The following JAZF1 variants were observed in gnomAD, a reference collection of about 807,000 sequenced individuals.
The protein encoded by JAZF1 is juxtaposed with another zinc finger protein 1.
A neutral mutation model predicts 26.4 loss-of-function variants in JAZF1; 8 were observed. The ratio of observed to expected loss-of-function variants is 0.30; its 90% CI spans 0.18 to 0.55. The LOEUF (loss-of-function observed/expected upper bound fraction) is 0.55, where lower values mean the gene tolerates loss of function less well. Ranked by LOEUF, JAZF1 falls within the 20% of genes least tolerant of loss-of-function variation. JAZF1 has a pLI of 0.94. For synonymous variants in JAZF1, 126 were observed against 122.3 expected (o/e 1.03, Z -0.20); for missense variants, 199 against 322.0 (o/e 0.62, Z 2.92).
intron 2 of JAZF1, among the ~76,000 whole-genome samples, chr7:27,908,378 G>A (rs1043723472): frequency 2.0e-5 from 3 of 152,200 alleles, no homozygotes; most frequent in African/African-American, 7.2e-5. Flanking sequence ...GCTGTTCTGT[G>A]ACAAAGCATG....
Position 28,180,786 on chromosome 7 carries a change from C to T in JAZF1, c.-209G>A, listed in dbSNP as rs1783638807. 8.0e-5 allele frequency: 8 copies of T among 100,608 alleles called. No homozygotes were observed. In the South Asian group the frequency reaches 2.1e-3, roughly 27 times the overall value. 6.2% of individuals were successfully genotyped at this position (100,608 alleles called of 1,614,324 possible). The stretch of plus-strand genomic sequence containing the variant: ...CCACCGGGAGGCAGAGGGGAGGCGG[C>T]GGCTGCGGCGGCGGCGTCGGGAGCG... On this transcript the variant is annotated 5_prime_UTR_variant, in exon 1 of 5. Transcript: ENST00000283928.
intron 1 of JAZF1, among the ~76,000 whole-genome samples, chr7:28,148,241 T>C (rs1783056883): frequency 6.6e-6 from 1 of 152,266 alleles, no homozygotes; most frequent in South Asian, 2.1e-4. Flanking sequence ...CAGTTAATTT[T>C]TGTATTTTTA....
intron 1 of JAZF1, among the ~76,000 whole-genome samples, chr7:28,118,666 ATTC>A (rs1273006532): frequency 3.9e-5 from 6 of 152,108 alleles, no homozygotes; most frequent in Non-Finnish European, 8.8e-5. Flanking sequence ...CCATATTAAC[ATTC>A]TTCAAGTTTG....
chr7:27,856,532 ATTTTACAGAGAGCTGATTGGTCTG>A (rs1403057908), intron 3 of JAZF1, among the ~76,000 whole-genome samples: 4 of 152,258 alleles, frequency 2.6e-5, no homozygotes, highest in Middle Eastern at 6.8e-3. Flanking sequence ...TGATTGGTCC[ATTTTACAGAGAGCTGATTGGTCTG>A]TTTTACAGAG....
At chr7:27,852,487 A>G (rs1783169669) in intron 3 of JAZF1, among the ~76,000 whole-genome samples, 1 of 152,054 alleles carries the variant, frequency 6.6e-6, no homozygotes, top group Non-Finnish European at 1.5e-5. Flanking sequence ...TTGAGGTTGC[A>G]ACTCCCTCAG....
intron 1 of JAZF1, among the ~76,000 whole-genome samples, chr7:28,000,126 A>G (rs1354154965): frequency 6.6e-6 from 1 of 152,158 alleles, no homozygotes; most frequent in African/African-American, 2.4e-5. Context: ...TGAGTTGAAG[A>G]GTATTAGTTG....
At chr7:28,016,712 A>C (rs949573480) in intron 1 of JAZF1, among the ~76,000 whole-genome samples, 5 of 152,090 alleles carry the variant, frequency 3.3e-5, no homozygotes, top group Non-Finnish European at 5.9e-5. Context: ...TCCACTCCTC[A>C]GTGGAGTCAA....
intron 1 of JAZF1, among the ~76,000 whole-genome samples, chr7:27,997,681 C>A (rs148578983): frequency 2.0e-5 from 3 of 152,234 alleles, no homozygotes; most frequent in Non-Finnish European, 4.4e-5. Context: ...TATCCTCCTG[C>A]CTCATCCTCC....
chr7:27,968,985 C>A (rs1185833930), intron 2 of JAZF1, among the ~76,000 whole-genome samples: 1 of 152,098 alleles, frequency 6.6e-6, no homozygotes. Flanking sequence ...GTATACAGTA[C>A]CAAGATGGCC....
intron 1 of JAZF1, among the ~76,000 whole-genome samples, chr7:28,037,788 A>C (rs1269606853): frequency 2.0e-5 from 3 of 152,150 alleles, no homozygotes; most frequent in Non-Finnish European, 2.9e-5. Context: ...CTTATTAATG[A>C]ATTCCAGACA....
chr7:27,856,784 G>A (rs950220986), intron 3 of JAZF1, among the ~76,000 whole-genome samples: 76 of 152,264 alleles, frequency 5.0e-4, no homozygotes, highest in African/African-American at 1.8e-3. Context: ...CCCTTAGCTA[G>A]ACATGAAGGT....
In JAZF1 at chr7:27,832,688, TTTAA is replaced by T. The variant is rs774304272; in HGVS notation, c.*108_*111del. On this transcript the variant is annotated 3_prime_UTR_variant, in exon 5 of 5. Coordinates refer to ENST00000283928, the MANE Select transcript of JAZF1 (RefSeq NM_175061.4). The stretch of plus-strand genomic sequence containing the variant: ...TTACAGAAAAAATTTAAAGCATGCA[TTTAA>T]TTCTTTTTCTTTAAAGGGTTGCTGA... 7.0e-5 allele frequency: 60 copies of T among 851,948 alleles called. No individual in the cohort carries two copies. Among genetic ancestry groups the T allele is most frequent in the Non-Finnish European group, 9.3e-5 (53 of 567,654 alleles). 52.8% of individuals were successfully genotyped at this position (851,948 alleles called of 1,614,324 possible).
intron 3 of JAZF1, among the ~76,000 whole-genome samples, chr7:27,849,752 GACACAC>G (rs72394231): frequency 4.6e-5 from 5 of 108,444 alleles, no homozygotes; most frequent in African/African-American, 2.1e-4. Flanking sequence ...CTTACACACA[GACACAC>G]ACACACACAC....
At chr7:28,147,218 A>T (rs1783041190) in intron 1 of JAZF1, among the ~76,000 whole-genome samples, 1 of 151,508 alleles carries the variant, frequency 6.6e-6, no homozygotes, top group Non-Finnish European at 1.5e-5. Context: ...TAATCTGAAA[A>T]CCCAAAATCC....
At chr7:28,109,652 C>A (rs568308239) in intron 1 of JAZF1, among the ~76,000 whole-genome samples, 1 of 152,186 alleles carries the variant, frequency 6.6e-6, no homozygotes, top group African/African-American at 2.4e-5. Flanking sequence ...AAGGTTTGTA[C>A]AAATTAACTA....
In JAZF1 at chr7:28,074,162, G is replaced by A. The variant is rs540146037; in HGVS notation, c.116-82181C>T. On this transcript the variant is annotated intron_variant, in intron 1 of 4. Coordinates refer to ENST00000283928, the MANE Select transcript of JAZF1 (RefSeq NM_175061.4). The stretch of plus-strand genomic sequence containing the variant: ...CTGGGCAAGGATGTTTACATTATTT[G>A]TCCTAAGTAATTAATTTGCCCCAAA... 1.1e-3 allele frequency among the ~76,000 whole-genome samples: 174 copies of A among 152,228 alleles called. 1 individual carries two copies. Among genetic ancestry groups the A allele is most frequent in the African/African-American group, 4.0e-3 (167 of 41,542 alleles).
intron 3 of JAZF1, among the ~76,000 whole-genome samples, chr7:27,857,802 A>T (rs1218995956): frequency 6.6e-6 from 1 of 152,230 alleles, no homozygotes; most frequent in African/African-American, 2.4e-5. Flanking sequence ...AATGGGCAAA[A>T]GCTGGAAGAA....
intron 1 of JAZF1, among the ~76,000 whole-genome samples, chr7:28,165,771 T>C (rs1783358796): frequency 1.3e-5 from 2 of 152,222 alleles, no homozygotes; most frequent in African/African-American, 4.8e-5. Context: ...CAAACAGGCC[T>C]TTCAACCTCT....
chr7:27,880,226 C>A (rs775258840), intron 3 of JAZF1, among the ~76,000 whole-genome samples: 10 of 151,716 alleles, frequency 6.6e-5, no homozygotes, highest in Non-Finnish European at 1.2e-4. Context: ...CCATTTTTGA[C>A]GATGCCAAGA....
Sources: gnomAD v4.1 joint callset for allele counts (sites outside exome capture counted in the v4.1 genomes callset) on GRCh38, gnomAD v4.1.1 for gene constraint, MANE v1.5 for transcripts, NCBI Gene and HGNC (gene_info 2026-07-23, HGNC 2026-07-21) for gene names.